SH3PXD2B: variants seen among roughly 807,000 people sequenced by gnomAD.
SH3PXD2B encodes SH3 and PX domains 2B.
A neutral mutation model predicts 73.1 loss-of-function variants in SH3PXD2B; 37 were observed. The observed-to-expected ratio is 0.51, with a 90% confidence interval of 0.39 to 0.67. The LOEUF (loss-of-function observed/expected upper bound fraction) is 0.67. Ranked by LOEUF, SH3PXD2B falls within the 30% of genes least tolerant of loss-of-function variation. The pLI is 0.00. For synonymous variants in SH3PXD2B, 457 were observed against 480.5 expected, an observed-to-expected ratio of 0.95 and a Z score of 0.64; for missense variants, 1,053 against 1,197.8, an observed-to-expected ratio of 0.88 and a Z score of 1.78.
intron 1 of SH3PXD2B, among the ~76,000 whole-genome samples, chr5:172,427,784 T>TG (rs1018085990): frequency 2.0e-5 from 3 of 151,784 alleles, no homozygotes; most frequent in Non-Finnish European, 4.4e-5. Flanking sequence ...CCACGATTTT[T>TG]TTTTTTTTTT....
Position 172,339,940 on chromosome 5 carries a change from C to T in SH3PXD2B, c.1189-24G>A, listed in dbSNP as rs1056024882. The T allele has an allele frequency of 8.7e-6, 14 of 1,613,846 alleles. No individual in the cohort carries two copies. The highest frequency in any genetic ancestry group is 2.2e-5 in the East Asian group (1 of 44,890). The stretch of plus-strand genomic sequence containing the variant: ...ACCTGCAAGGGAGGATAGAGAAAGG[C>T]ACTTGGCTACGATGCCAGGGCCAGC... On this transcript the variant is annotated intron_variant, in intron 12 of 12. Coordinates refer to ENST00000311601, the MANE Select transcript of SH3PXD2B (RefSeq NM_001017995.3). The surrounding 1 kb of genome is among the most constrained non-coding windows in gnomAD (Gnocchi z 6.1).
intron 3 of SH3PXD2B, among the ~76,000 whole-genome samples, chr5:172,399,225 C>A (rs1758375336): frequency 6.6e-6 from 1 of 152,190 alleles, no homozygotes; most frequent in African/African-American, 2.4e-5. Flanking sequence ...AAAATGACAT[C>A]TTGGGTGGTC....
chr5:172,348,638 G>GTATCTATCTATGTATC (rs1554135094), intron 10 of SH3PXD2B, among the ~76,000 whole-genome samples: 21 of 72,556 alleles, frequency 2.9e-4, no homozygotes, highest in African/African-American at 9.4e-4. Context: ...ATCTATCTAT[G>GTATCTATCTATGTATC]TATCTATCTA....
rs993881361 is a variant in SH3PXD2B, at chr5:172,445,426, T to C, written c.75+8852A>G. Among the ~76,000 whole-genome samples, 2 of 151,880 alleles carry C rather than the reference T, an allele frequency of 1.3e-5. No homozygotes were observed. Among genetic ancestry groups the C allele is most frequent in the African/African-American group, 4.8e-5 (2 of 41,314 alleles). On this transcript the variant is annotated intron_variant, in intron 1 of 12. Transcript: ENST00000311601. This position sits in a 1 kb window ranked among gnomAD's most constrained non-coding sequence, Gnocchi z 5.2. Reference sequence around the variant, plus strand: ...GGTCTCACTATGTTCCCCAGGCTGGTATTGAACTCCTGGGCTCAAGCGATC... The same window carrying C: ...GGTCTCACTATGTTCCCCAGGCTGGCATTGAACTCCTGGGCTCAAGCGATC...
rs1026205638 is a variant in SH3PXD2B at position 172,358,984 on chromosome 5, G to A, written c.563-107C>T. ...CTGTACCAGTGAATGCACAGGGTAA[G>A]GCTAAAGTTACCATTTTATTGGTAG... On this transcript the variant is annotated intron_variant, in intron 7 of 12. Transcript: ENST00000311601. The A allele has an allele frequency of 5.1e-5, 53 of 1,046,406 alleles. No homozygotes were observed. In the African/African-American group the frequency reaches 8.0e-4, roughly 16 times the overall value. The allele number at this position is 1,046,406 out of a possible 1,614,324, so 64.8% of individuals were successfully genotyped here. A position where few individuals can be genotyped will look rare whatever the true frequency, so the allele number is the denominator to read the frequency against.
intron 1 of SH3PXD2B, among the ~76,000 whole-genome samples, chr5:172,439,275 ACAAAACAAAAAAAAAACC>A (rs1759480778): frequency 1.9e-5 from 1 of 52,794 alleles, no homozygotes; most frequent in African/African-American, 7.4e-5. Flanking sequence ...AAAAACAAAA[ACAAAACAAAAAAAAAACC>A]CCAAAAAAAA....
At position 172,338,669 on chromosome 5, in the gene SH3PXD2B, C is replaced by G. The variant is rs1329401943; in HGVS notation, c.2436G>C (p.Leu812Phe). 1 of 1,614,094 alleles carries G rather than the reference C, an allele frequency of 6.2e-7. No individual in the cohort carries two copies. Among genetic ancestry groups the G allele is most frequent in the South Asian group, 1.1e-5 (1 of 91,074 alleles). The stretch of plus-strand genomic sequence containing the variant: ...TGCCTCGCGTGTCATCCTGGCCCCC[C>G]AAAGAGTTGGAGAGAAAAGGTTTGG... ...PKAKPFLSNSLGGQDDTRGKG... is the reference protein window; with the variant it reads ...PKAKPFLSNSFGGQDDTRGKG... The change falls in exon 13 of 13, where the codon TTG becomes TTC. Residue 812 changes from leucine to phenylalanine, a missense_variant. Around this residue, in one of 2 missense-constraint regions of SH3PXD2B, gnomAD observed 587 missense variants for 590.7 expected, o/e 0.99. Coordinates refer to ENST00000311601, the MANE Select transcript of SH3PXD2B (RefSeq NM_001017995.3). The surrounding 1 kb of genome is among the most constrained non-coding windows in gnomAD (Gnocchi z 5.1).
At chr5:172,376,132 C>T (rs956768434) in intron 5 of SH3PXD2B, among the ~76,000 whole-genome samples, 9 of 150,986 alleles carry the variant, frequency 6.0e-5, no homozygotes, top group South Asian at 2.1e-4. Flanking sequence ...CAGGTTCAAA[C>T]GATTCTCCTG....
chr5:172,350,450 C>T lies in SH3PXD2B; in HGVS notation c.925G>A (p.Ala309Thr), dbSNP rs200725740. ...DLDGVSRQQNAVGREKELLSS... is the reference protein window; with the variant it reads ...DLDGVSRQQNTVGREKELLSS... The stretch of plus-strand genomic sequence containing the variant: ...AGCAGCTCCTTCTCCCTGCCCACCG[C>T]GTTCTGCTGCCGGGAAACACCATCC... The change falls in exon 10 of 13, where the codon GCG becomes ACG. Residue 309 changes from alanine (A) to threonine (T), a missense_variant. Ala to Thr is a moderately conservative substitution (Grantham distance 58). This residue lies in a region of SH3PXD2B where 466 missense variants were observed against 607.1 expected (regional missense o/e 0.77). Transcript: ENST00000311601. The T allele has an allele frequency of 2.5e-5, 40 of 1,614,128 alleles. No individual in the cohort carries two copies. Among genetic ancestry groups the T allele is most frequent in the Non-Finnish European group, 3.1e-5 (36 of 1,180,032 alleles).
intron 6 of SH3PXD2B, among the ~76,000 whole-genome samples, chr5:172,367,674 T>A (rs1162959014): frequency 6.6e-6 from 1 of 152,222 alleles, no homozygotes; most frequent in Non-Finnish European, 1.5e-5. Flanking sequence ...GACTCCTTTA[T>A]AGTTGGGAGT....
At chr5:172,443,431 C>A (rs1248554398) in intron 1 of SH3PXD2B, among the ~76,000 whole-genome samples, 2 of 152,210 alleles carry the variant, frequency 1.3e-5, no homozygotes, top group East Asian at 1.9e-4. Context: ...CACTGCTAGT[C>A]AGCTTTCCCA....
chr5:172,343,332 T>C (rs1756900678), intron 12 of SH3PXD2B, among the ~76,000 whole-genome samples: 1 of 152,240 alleles, frequency 6.6e-6, no homozygotes, highest in Non-Finnish European at 1.5e-5. Flanking sequence ...TAAGTCTGTA[T>C]GTGAGGAACT....
chr5:172,437,349 T>C (rs367837565), intron 1 of SH3PXD2B, among the ~76,000 whole-genome samples: 2 of 152,280 alleles, frequency 1.3e-5, no homozygotes, highest in East Asian at 3.9e-4. Flanking sequence ...CCAACCTCTT[T>C]TTGGAACTGC....
intron 5 of SH3PXD2B, among the ~76,000 whole-genome samples, chr5:172,377,593 C>T (rs919188531): frequency 2.6e-5 from 4 of 152,170 alleles, no homozygotes; most frequent in South Asian, 4.1e-4. Flanking sequence ...AGGGTAGTGA[C>T]GCCCGCTTTA....
chr5:172,348,642 CTAT>C (rs1186217427), intron 10 of SH3PXD2B, among the ~76,000 whole-genome samples: 2 of 67,502 alleles, frequency 3.0e-5, no homozygotes, highest in South Asian at 8.1e-4. Context: ...ATCTATGTAT[CTAT>C]CTATCTATCC....
Position 172,338,638 on chromosome 5 carries a change from TGC to T in SH3PXD2B, c.2465_2466del (p.Gly822GlufsTer40). ...TTGCCGGTCCCCCATGGCCCCAGGC[TGC>T]CTTTGCCTCGCGTGTCATCCTGGCC... ...LGGQDDTRGK[G>X]SLGPWGTGKI... On this transcript the variant is annotated frameshift_variant, in exon 13 of 13. Coordinates refer to ENST00000311601, the MANE Select transcript of SH3PXD2B (RefSeq NM_001017995.3). LOFTEE classifies it high-confidence loss of function. This position sits in a 1 kb window ranked among gnomAD's most constrained non-coding sequence, Gnocchi z 5.1. The T allele has an allele frequency of 6.2e-7, 1 of 1,614,200 alleles. No individual in the cohort carries two copies. The highest frequency in any genetic ancestry group is 8.5e-7 in the Non-Finnish European group (1 of 1,180,040).
chr5:172,432,945 T>A (rs1329108300), intron 1 of SH3PXD2B, among the ~76,000 whole-genome samples: 6 of 143,628 alleles, frequency 4.2e-5, no homozygotes, highest in African/African-American at 1.3e-4. Flanking sequence ...GGGGGAAGAA[T>A]TGACTGTACC....
chr5:172,381,642 T>G (rs1757949024), intron 5 of SH3PXD2B, among the ~76,000 whole-genome samples: 1 of 152,140 alleles, frequency 6.6e-6, no homozygotes. Flanking sequence ...CAGTGGGGTC[T>G]TCGTTGGTTT....
chr5:172,398,983 C>T (rs974161268), intron 3 of SH3PXD2B, among the ~76,000 whole-genome samples: 3 of 152,144 alleles, frequency 2.0e-5, no homozygotes, highest in African/African-American at 7.2e-5. Context: ...CTTCCTCATT[C>T]TGTGTCAAAA....
Sources: gnomAD v4.1 joint callset for allele counts (sites outside exome capture counted in the v4.1 genomes callset) on GRCh38, gnomAD v4.1.1 for gene constraint, gnomAD v4.1.1 regional missense constraint, Gnocchi (gnomAD v3.1) non-coding constraint, MANE v1.5 for transcripts, NCBI Gene and HGNC (gene_info 2026-07-23, HGNC 2026-07-21) for gene names.